CPPED1: variants seen among roughly 807,000 people sequenced by gnomAD.
CPPED1 encodes the protein serine/threonine-protein phosphatase CPPED1.
Under a neutral mutation model 28.0 loss-of-function variants are expected in CPPED1, and 28 were observed. The observed-to-expected ratio is 1.00, with a 90% CI of 0.74 to 1.37. CPPED1 has a LOEUF of 1.37. CPPED1 is among the 40% of genes most tolerant of loss of function. The probability of loss-of-function intolerance (pLI) is 0.00; values close to 1 mark genes in which losing one functional copy is unlikely to be tolerated. For missense variants in CPPED1, 504 were observed against 416.5 expected, an observed-to-expected ratio of 1.21 and a Z score of -1.83; for synonymous variants, 198 against 180.2, an observed-to-expected ratio of 1.10 and a Z score of -0.79.
At chr16:12,787,063 C>T (rs750507280) in intron 1 of CPPED1, among the ~76,000 whole-genome samples, 16 of 152,132 alleles carry the variant, frequency 1.1e-4, no homozygotes, top group South Asian at 4.1e-4. Context: ...CATACATACA[C>T]GTTTTCCAGT....
At chr16:12,732,124 G>A (rs116462215) in intron 2 of CPPED1, among the ~76,000 whole-genome samples, 5,262 of 151,604 alleles carry the variant, frequency 0.035, 132 homozygotes, top group East Asian at 0.1. Context: ...ACTCCAGCCT[G>A]GATGACAAAC....
chr16:12,699,056 T>C (rs1205238825), intron 3 of CPPED1, among the ~76,000 whole-genome samples: 1 of 152,206 alleles, frequency 6.6e-6, no homozygotes, highest in Non-Finnish European at 1.5e-5. Context: ...ATGGGTCATA[T>C]ATTAACCCTC....
intron 3 of CPPED1, among the ~76,000 whole-genome samples, chr16:12,691,212 AGTCCCTGTGGT>A (rs2141178460): frequency 6.6e-6 from 1 of 152,358 alleles, no homozygotes; most frequent in South Asian, 2.1e-4. Flanking sequence ...TCAGAGCAAG[AGTCCCTGTGGT>A]GTACTATTTA....
At chr16:12,781,450 T>TTGTAAAAAATG in intron 1 of CPPED1, 47 bp from the exon 2 acceptor site, 3 of 1,572,538 alleles carry the variant, frequency 1.9e-6, no homozygotes, top group Non-Finnish European at 2.6e-6. Flanking sequence ...TTGTAAAATC[T>TTGTAAAAAATG]GTCATAAAAG....
chr16:12,731,854 G>A (rs1211573754), intron 2 of CPPED1, among the ~76,000 whole-genome samples: 1 of 151,800 alleles, frequency 6.6e-6, no homozygotes, highest in Non-Finnish European at 1.5e-5. Context: ...GGCGATATGG[G>A]GAGGAGGAAA....
intron 2 of CPPED1, among the ~76,000 whole-genome samples, chr16:12,739,732 C>T (rs1455375473): frequency 6.6e-6 from 1 of 152,172 alleles, no homozygotes; most frequent in Non-Finnish European, 1.5e-5. Context: ...GGTTCGCAGC[C>T]TCCTCTCTAG....
chr16:12,775,774 A>C (rs2080494304), intron 2 of CPPED1, among the ~76,000 whole-genome samples: 1 of 152,198 alleles, frequency 6.6e-6, no homozygotes, highest in Non-Finnish European at 1.5e-5. Flanking sequence ...CCCAGTTTAC[A>C]AGCTGAGTGG....
At chr16:12,672,793 C>T (rs1338510891) in intron 3 of CPPED1, among the ~76,000 whole-genome samples, 1 of 152,138 alleles carries the variant, frequency 6.6e-6, no homozygotes, top group Non-Finnish European at 1.5e-5. Context: ...GTGGGCAGAT[C>T]AGTTGAGGTC....
intron 2 of CPPED1, among the ~76,000 whole-genome samples, chr16:12,706,068 C>T (rs1267554351): frequency 6.6e-6 from 1 of 152,088 alleles, no homozygotes; most frequent in Non-Finnish European, 1.5e-5. Context: ...CAATATCTCA[C>T]TGCAATAGTT....
At chr16:12,683,572 G>A (rs990713075) in intron 3 of CPPED1, among the ~76,000 whole-genome samples, 10 of 152,256 alleles carry the variant, frequency 6.6e-5, no homozygotes, top group South Asian at 2.1e-4. Flanking sequence ...TTGCCCCAAT[G>A]CACACCCCTC....
chr16:12,766,761 T>TC (rs1256278985), intron 2 of CPPED1, among the ~76,000 whole-genome samples: 1 of 152,046 alleles, frequency 6.6e-6, no homozygotes, highest in Non-Finnish European at 1.5e-5. Context: ...GGATCAAGAC[T>TC]CCGTCTCAAA....
At chr16:12,770,509 T>C (rs2080463800) in intron 2 of CPPED1, among the ~76,000 whole-genome samples, 1 of 152,172 alleles carries the variant, frequency 6.6e-6, no homozygotes, top group South Asian at 2.1e-4. Context: ...GTGCACAGTA[T>C]GATCACGTTT....
In CPPED1 at chr16:12,784,727, G is replaced by A. The variant is rs923394558; in HGVS notation, c.71-3324C>T. The stretch of plus-strand genomic sequence containing the variant: ...GAATTAATCAGAACCAGATAAGGGA[G>A]GTGAACACAGGCACCCCAAAGTAGC... On this transcript the variant is annotated intron_variant, in intron 1 of 3. Coordinates refer to ENST00000381774, the MANE Select transcript of CPPED1 (RefSeq NM_018340.3). Among the ~76,000 whole-genome samples, 4 of 152,158 alleles carry A rather than the reference G, an allele frequency of 2.6e-5. No homozygotes were observed. The East Asian group carries it at 7.7e-4, about 29-fold the overall frequency.
At chr16:12,785,293 A>C (rs1369496856) in intron 1 of CPPED1, among the ~76,000 whole-genome samples, 2 of 152,136 alleles carry the variant, frequency 1.3e-5, no homozygotes, top group African/African-American at 4.8e-5. Context: ...TTTGTCACCA[A>C]AGCTAGAGTA....
At chr16:12,785,562 C>G (rs915875091) in intron 1 of CPPED1, among the ~76,000 whole-genome samples, 2 of 151,716 alleles carry the variant, frequency 1.3e-5, no homozygotes, top group Non-Finnish European at 2.9e-5. Flanking sequence ...CGAGTAGCTG[C>G]GATTACAGGC....
At chr16:12,747,464 T>C (rs1567294337) in intron 2 of CPPED1, among the ~76,000 whole-genome samples, 1 of 147,464 alleles carries the variant, frequency 6.8e-6, no homozygotes, top group African/African-American at 2.6e-5. Flanking sequence ...AATAAATAAA[T>C]AAATAATCAC....
At chr16:12,777,636 G>A (rs938899) in intron 2 of CPPED1, among the ~76,000 whole-genome samples, 2,704 of 152,250 alleles carry the variant, frequency 0.018, 91 homozygotes, top group African/African-American at 0.062. Flanking sequence ...AAAGAAGCCT[G>A]TATCTCTTAA....
intron 3 of CPPED1, among the ~76,000 whole-genome samples, chr16:12,667,375 A>C (rs2079831249): frequency 6.6e-6 from 1 of 152,234 alleles, no homozygotes; most frequent in Non-Finnish European, 1.5e-5. Flanking sequence ...CATAGGCATA[A>C]ATTGAATGAG....
chr16:12,736,209 C>G (rs1248530455), intron 2 of CPPED1, among the ~76,000 whole-genome samples: 1 of 147,252 alleles, frequency 6.8e-6, no homozygotes, highest in African/African-American at 2.5e-5. Flanking sequence ...TATTACTAAA[C>G]TCCATCAGCA....
Sources: allele counts gnomAD v4.1 joint callset (sites outside exome capture counted in the v4.1 genomes callset), GRCh38; gene constraint gnomAD v4.1.1; transcripts MANE v1.5; gene names NCBI Gene and HGNC (gene_info 2026-07-23, HGNC 2026-07-21).